Variants in FHL2 observed in about 807,000 individuals in gnomAD.
The protein encoded by FHL2 is four and a half LIM domains 2.
A neutral mutation model predicts 32.7 loss-of-function variants in FHL2; 20 were observed. The observed-to-expected ratio is 0.61, with a 90% confidence interval of 0.43 to 0.89. The LOEUF is 0.89. Ranked by LOEUF, FHL2 falls within the 40% of genes least tolerant of loss-of-function variation. The pLI, the probability that FHL2 is intolerant of heterozygous loss-of-function variation, is 0.00. For synonymous variants in FHL2, 123 were observed against 128.1 expected (o/e 0.96, Z 0.27); for missense variants, 311 against 358.6 (o/e 0.87, Z 1.07).
chr2:105,415,804 C>T (rs994546544), intron 1 of FHL2, among the ~76,000 whole-genome samples: 10 of 152,180 alleles, frequency 6.6e-5, no homozygotes, highest in African/African-American at 2.4e-4. Flanking sequence ...GGCCCTAACC[C>T]CAAGTTAAGT....
chr2:105,378,008 CTG>C (rs1028389304), intron 3 of FHL2: 3 of 463,578 alleles, frequency 6.5e-6, no homozygotes, highest in Non-Finnish European at 1.3e-5. Context: ...TCAAGAAAAA[CTG>C]AGAGAGAAAT....
intron 6 of FHL2, among the ~76,000 whole-genome samples, chr2:105,362,131 TATAAAC>T: frequency 6.6e-6 from 1 of 152,346 alleles, no homozygotes; most frequent in Middle Eastern, 3.4e-3. Context: ...AGCTTAATGT[TATAAAC>T]ATTTACCTCA....
At chr2:105,389,410 A>G (rs550613790) in intron 2 of FHL2, among the ~76,000 whole-genome samples, 134 of 152,330 alleles carry the variant, frequency 8.8e-4, no homozygotes, top group African/African-American at 3.1e-3. Context: ...TTTTTCCAAC[A>G]TATATGTTTT....
At chr2:105,359,056 G>A (rs1205108580), downstream of FHL2, 2 of 152,216 alleles carry the variant, frequency 1.3e-5, no homozygotes, top group Non-Finnish European at 2.9e-5. Flanking sequence ...CTTCTTCCAA[G>A]TGTCTACTGC....
In FHL2 at chr2:105,397,162, T is replaced by A. The variant is rs542206284; in HGVS notation, c.-75-465A>T. On this transcript the variant is annotated intron_variant, in intron 1 of 6. Coordinates refer to ENST00000530340, the MANE Select transcript of FHL2 (RefSeq NM_001318895.3). ...AGAAATATTCAAATGTTAAAAAAAA[T>A]AAATAAATATTCAAATGTTCCTCCC... 1.0e-3 allele frequency among the ~76,000 whole-genome samples: 155 copies of A among 152,044 alleles called. 1 individual carries two copies. The highest frequency in any genetic ancestry group is 3.6e-3 in the African/African-American group (151 of 41,438).
At position 105,384,596 on chromosome 2, in the gene FHL2, C is replaced by T. The variant is rs145323968; in HGVS notation, c.156+1765G>A. 1.6e-3 allele frequency among the ~76,000 whole-genome samples: 238 copies of T among 152,286 alleles called. 1 individual carries two copies. In the South Asian group the frequency reaches 0.02, roughly 13 times the overall value. On this transcript the variant is annotated intron_variant, in intron 3 of 6. Transcript: ENST00000530340. ...GATCTCGGCTCACTGTAACTTCTGC[C>T]TCCCAGGTTCAAGTGATTCTCGTGC...
At chr2:105,368,855 G>A (rs937934808) in intron 4 of FHL2, among the ~76,000 whole-genome samples, 2 of 152,242 alleles carry the variant, frequency 1.3e-5, no homozygotes, top group Non-Finnish European at 2.9e-5. Context: ...GGAAAGTGTT[G>A]TAAGTGCCCG....
rs758881698 is a variant in FHL2 at position 105,373,629 on chromosome 2, C to G, written c.261G>C (p.Leu87=). Residue 87 remains leucine (L), a synonymous_variant, in exon 4 of 7, where the codon CTG becomes CTC. Coordinates refer to ENST00000530340, the MANE Select transcript of FHL2 (RefSeq NM_001318895.3). ...DKPFAAKEDQ[L]LCTDCYSNEY... ...CGTTGGAATAGCAGTCTGTACAGAG[C>G]AGCTGGTCCTCCTTGGCAGCAAAGG... 18 of 1,614,236 alleles carry G rather than the reference C, an allele frequency of 1.1e-5. No individual in the cohort carries two copies. The South Asian group carries it at 2.0e-4, about 18-fold the overall frequency.
rs77913475 is a variant in FHL2 at position 105,369,902 on chromosome 2, C to T, written c.332-2163G>A. ...CACAGGGCACCTGGAGCCTCAGGGA[C>T]ATGGCGCGTGCACCTCAGGCATGGC... On this transcript the variant is annotated intron_variant, in intron 4 of 6. Transcript: ENST00000530340. 6.6e-4 allele frequency among the ~76,000 whole-genome samples: 100 copies of T among 152,322 alleles called. No individual in the cohort carries two copies. The East Asian group carries it at 0.018, about 27-fold the overall frequency.
intron 4 of FHL2, among the ~76,000 whole-genome samples, chr2:105,368,751 G>A (rs766353538): frequency 3.3e-5 from 5 of 152,122 alleles, no homozygotes; most frequent in Admixed American, 6.5e-5. Context: ...TTATAGTAAC[G>A]GATGATTCCA....
intron 4 of FHL2, among the ~76,000 whole-genome samples, chr2:105,372,524 A>G (rs1025649547): frequency 6.6e-6 from 1 of 152,044 alleles, no homozygotes; most frequent in Admixed American, 6.5e-5. Flanking sequence ...CACACCTGGC[A>G]TCCTACATAT....
intron 3 of FHL2, chr2:105,378,149 T>C (rs1380338421): frequency 2.1e-6 from 1 of 471,204 alleles, no homozygotes; most frequent in South Asian, 1.5e-5. Context: ...GGCTAAGACA[T>C]GCACATGGGT....
chr2:105,399,904 G>T (rs960255983), upstream of FHL2, among the ~76,000 whole-genome samples: 1 of 152,176 alleles, frequency 6.6e-6, no homozygotes, highest in Non-Finnish European at 1.5e-5. Flanking sequence ...CACTTTGGGG[G>T]CAGGTGTATT....
At chr2:105,399,790 G>T, upstream of FHL2, 1 of 604,036 alleles carries the variant, frequency 1.7e-6, no homozygotes, top group Non-Finnish European at 2.7e-6. Context: ...CCCATCCCTG[G>T]GAGAGGGTGC....
upstream of FHL2, chr2:105,399,572 G>T: frequency 6.5e-7 from 1 of 1,535,124 alleles, no homozygotes; most frequent in Non-Finnish European, 8.7e-7. Flanking sequence ...CACTACGGAG[G>T]GGACTAAAGG....
At chr2:105,393,849 C>T (rs919466313) in intron 2 of FHL2, among the ~76,000 whole-genome samples, 4 of 152,178 alleles carry the variant, frequency 2.6e-5, no homozygotes, top group African/African-American at 7.2e-5. Flanking sequence ...GCTTCCGCAG[C>T]GGATATAACT....
At chr2:105,407,796 C>G (rs534221479) in intron 1 of FHL2, among the ~76,000 whole-genome samples, 4 of 152,128 alleles carry the variant, frequency 2.6e-5, no homozygotes, top group Non-Finnish European at 5.9e-5. Flanking sequence ...CAATCCTCCC[C>G]CCGCTGCCAC....
chr2:105,382,406 G>A (rs1017906520), intron 3 of FHL2, among the ~76,000 whole-genome samples: 7 of 152,216 alleles, frequency 4.6e-5, no homozygotes, highest in Non-Finnish European at 8.8e-5. Flanking sequence ...CATGCTAGGT[G>A]AGGACCCTCC....
chr2:105,399,297 C>T, upstream of FHL2: 2 of 1,535,832 alleles, frequency 1.3e-6, no homozygotes, highest in Non-Finnish European at 8.7e-7. Context: ...GCGTCGCCTC[C>T]GGCGTGGGCT....
Sources: allele counts gnomAD v4.1 joint callset (sites outside exome capture counted in the v4.1 genomes callset), GRCh38; gene constraint gnomAD v4.1.1; transcripts MANE v1.5; gene names NCBI Gene and HGNC (gene_info 2026-07-23, HGNC 2026-07-21).